The following FHIT variants were observed in gnomAD, a reference collection of about 807,000 sequenced individuals.
FHIT encodes bis(5'-adenosyl)-triphosphatase.
A neutral mutation model predicts 17.9 loss-of-function variants in FHIT; 19 were observed. That is an observed-to-expected ratio of 1.06 (90% CI 0.74 to 1.56). The LOEUF is 1.56. Among genes scored for constraint, FHIT ranks in the 40% most tolerant of loss-of-function variants. The probability of loss-of-function intolerance (pLI) is 0.00; values close to 1 mark genes in which losing one functional copy is unlikely to be tolerated. For missense variants in FHIT, 248 were observed against 189.2 expected (o/e 1.31, Z -1.82); for synonymous variants, 81 against 69.7 (o/e 1.16, Z -0.81).
At chr3:60,385,639 G>T (rs1700977744) in intron 5 of FHIT, among the ~76,000 whole-genome samples, 1 of 152,142 alleles carries the variant, frequency 6.6e-6, no homozygotes, top group African/African-American at 2.4e-5. Flanking sequence ...GAGTGCAGTT[G>T]CACGATCATG....
At position 60,462,888 on chromosome 3, in the gene FHIT, C is replaced by T. The variant is rs1025623179; in HGVS notation, c.103+73972G>A. Among the ~76,000 whole-genome samples, 14 of 152,222 alleles carry T rather than the reference C, an allele frequency of 9.2e-5. 1 individual carries two copies. In the South Asian group the frequency reaches 2.3e-3, roughly 25 times the overall value. On this transcript the variant is annotated intron_variant, in intron 5 of 9. Coordinates refer to ENST00000492590, the MANE Select transcript of FHIT (RefSeq NM_002012.4). Reference sequence around the variant, plus strand: ...GGCACAGTCCTCCCAATAGGCAGGCCGACACAAAACCAACCCTGCTCTGTA... The same window carrying T: ...GGCACAGTCCTCCCAATAGGCAGGCTGACACAAAACCAACCCTGCTCTGTA...
rs140806954 is a variant in FHIT at position 60,702,323 on chromosome 3, C to T, written c.-18+119596G>A. 9.2e-3 allele frequency among the ~76,000 whole-genome samples: 1,392 copies of T among 151,972 alleles called. 8 individuals are homozygous for T. Among genetic ancestry groups the T allele is most frequent in the Non-Finnish European group, 0.014 (977 of 67,976 alleles). ...TTTAGAAGAAAAAGTAAAAATGAAACCTGTTGCCATTCTGATAAATTATAT... is the reference window on the plus strand; with the variant it reads ...TTTAGAAGAAAAAGTAAAAATGAAATCTGTTGCCATTCTGATAAATTATAT... On this transcript the variant is annotated intron_variant, in intron 4 of 9. Transcript: ENST00000492590.
chr3:59,883,390 C>A (rs2106963574), intron 8 of FHIT, among the ~76,000 whole-genome samples: 1 of 152,256 alleles, frequency 6.6e-6, no homozygotes, highest in African/African-American at 2.4e-5. Context: ...GGAGGCCTCA[C>A]AATCATGGTA....
rs1490086791 is a variant in FHIT at position 60,441,705 on chromosome 3, TATA to T, written c.103+95152_103+95154del. Among the ~76,000 whole-genome samples, 11 of 26,760 alleles carry T rather than the reference TATA, an allele frequency of 4.1e-4. No homozygotes were observed. The African/African-American group carries it at 4.3e-3, about 10-fold the overall frequency. 17.6% of individuals were successfully genotyped at this position (26,760 alleles called of 152,430 possible). A position where few individuals can be genotyped will look rare whatever the true frequency, so the allele number is the denominator to read the frequency against. ...TATTTGATGCATCTGTAGGTATTTATATATATATATATATATATTTGTATTTAT... is the reference window on the plus strand; with the variant it reads ...TATTTGATGCATCTGTAGGTATTTATTATATATATATATATTTGTATTTAT... On this transcript the variant is annotated intron_variant, in intron 5 of 9. Coordinates refer to ENST00000492590, the MANE Select transcript of FHIT (RefSeq NM_002012.4).
chr3:59,958,700 G>C (rs756650874), intron 7 of FHIT, among the ~76,000 whole-genome samples: 12 of 152,194 alleles, frequency 7.9e-5, no homozygotes, highest in Non-Finnish European at 1.2e-4. Context: ...ATGATGAGTA[G>C]ATGGCCGCTA....
intron 5 of FHIT, among the ~76,000 whole-genome samples, chr3:60,091,201 T>G (rs1703715358): frequency 6.6e-6 from 1 of 152,082 alleles, no homozygotes; most frequent in Non-Finnish European, 1.5e-5. Flanking sequence ...AGGTGAACAG[T>G]TTTATTCTTA....
intron 5 of FHIT, among the ~76,000 whole-genome samples, chr3:60,394,662 C>A (rs1332363254): frequency 6.6e-6 from 1 of 152,096 alleles, no homozygotes; most frequent in Non-Finnish European, 1.5e-5. Context: ...GGAGGAAATA[C>A]TAGTACCTAC....
At chr3:60,828,068 A>G (rs577794924) in intron 3 of FHIT, among the ~76,000 whole-genome samples, 1 of 152,236 alleles carries the variant, frequency 6.6e-6, no homozygotes, top group Non-Finnish European at 1.5e-5. Context: ...ATTGTACCCA[A>G]GTAATCATCA....
At chr3:59,813,917 G>A (rs144083777) in intron 8 of FHIT, among the ~76,000 whole-genome samples, 49 of 152,256 alleles carry the variant, frequency 3.2e-4, no homozygotes, top group African/African-American at 1.1e-3. Flanking sequence ...CAGGGTGTGG[G>A]ATGCTAGGAG....
At chr3:60,365,763 G>A (rs144830166) in intron 5 of FHIT, among the ~76,000 whole-genome samples, 6 of 152,152 alleles carry the variant, frequency 3.9e-5, no homozygotes, top group Non-Finnish European at 7.4e-5. Context: ...GTCAACTCCT[G>A]GTCTAGTGTT....
chr3:61,184,025 C>T (rs960417738), intron 2 of FHIT, among the ~76,000 whole-genome samples: 1 of 152,078 alleles, frequency 6.6e-6, no homozygotes, highest in Non-Finnish European at 1.5e-5. Context: ...ACTGACGGAG[C>T]TTCGCTAGTT....
At chr3:60,432,823 T>G (rs1702975420) in intron 5 of FHIT, among the ~76,000 whole-genome samples, 1 of 152,126 alleles carries the variant, frequency 6.6e-6, no homozygotes, top group African/African-American at 2.4e-5. Flanking sequence ...CCTATACTTG[T>G]TTATATTTGA....
chr3:61,056,820 A>G (rs992364073), intron 2 of FHIT, among the ~76,000 whole-genome samples: 2 of 152,222 alleles, frequency 1.3e-5, no homozygotes, highest in Non-Finnish European at 2.9e-5. Flanking sequence ...CATCAGCTAC[A>G]TAGCACCTAA....
At chr3:60,003,064 G>A (rs1257014871) in intron 7 of FHIT, among the ~76,000 whole-genome samples, 5 of 152,142 alleles carry the variant, frequency 3.3e-5, no homozygotes, top group African/African-American at 1.2e-4. Flanking sequence ...TTAATGGAAA[G>A]TGCTTCAAAT....
chr3:60,415,650 A>T (rs1207267176), intron 5 of FHIT, among the ~76,000 whole-genome samples: 2 of 151,836 alleles, frequency 1.3e-5, no homozygotes, highest in Non-Finnish European at 2.9e-5. Flanking sequence ...CTGATATTAC[A>T]CTGGACATAT....
intron 5 of FHIT, among the ~76,000 whole-genome samples, chr3:60,259,647 C>G (rs1277104173): frequency 1.3e-5 from 2 of 152,096 alleles, no homozygotes; most frequent in Non-Finnish European, 2.9e-5. Context: ...CTATTATTAT[C>G]CCCACTTAAC....
At chr3:60,369,251 C>T (rs1424755852) in intron 5 of FHIT, among the ~76,000 whole-genome samples, 1 of 152,148 alleles carries the variant, frequency 6.6e-6, no homozygotes. Context: ...GAATTAGAGG[C>T]ATGAGCCACC....
chr3:60,784,331 T>C (rs1700491770), intron 4 of FHIT, among the ~76,000 whole-genome samples: 1 of 144,362 alleles, frequency 6.9e-6, no homozygotes, highest in African/African-American at 2.6e-5. Flanking sequence ...TCTTTTTCCT[T>C]CCAGGTTCTT....
At chr3:59,880,004 T>C (rs908168385) in intron 8 of FHIT, among the ~76,000 whole-genome samples, 2 of 135,236 alleles carry the variant, frequency 1.5e-5, no homozygotes, top group South Asian at 2.4e-4. Context: ...CATATGGAAA[T>C]AGGAGGTAAT....
Sources: allele counts gnomAD v4.1 joint callset (sites outside exome capture counted in the v4.1 genomes callset), GRCh38; gene constraint gnomAD v4.1.1; transcripts MANE v1.5; gene names NCBI Gene and HGNC (gene_info 2026-07-23, HGNC 2026-07-21).